Variants in FSD1 observed in about 807,000 individuals in gnomAD.
FSD1 encodes the protein fibronectin type III and SPRY domain containing 1.
FSD1 carries 23 observed loss-of-function variants against 58.2 expected under a neutral mutation model. That is an observed-to-expected ratio of 0.40 (90% confidence interval 0.28 to 0.56). The LOEUF is 0.56. Among genes scored for constraint, FSD1 ranks in the 20% least tolerant of loss-of-function variants. The probability of loss-of-function intolerance (pLI) is 0.54; values close to 1 mark genes in which losing one functional copy is unlikely to be tolerated. For synonymous variants in FSD1, 265 were observed against 263.4 expected (o/e 1.01, Z -0.06); for missense variants, 563 against 670.8 (o/e 0.84, Z 1.78).
rs772719863 is a variant in FSD1 at position 4,306,324 on chromosome 19, C to T, written c.238C>T (p.Leu80=). The change falls in exon 3 of 13, where the codon CTG becomes TTG. Residue 80 remains leucine, a synonymous_variant. Coordinates refer to ENST00000221856, the MANE Select transcript of FSD1 (RefSeq NM_024333.3). The part of the protein sequence containing the change: ...KQDRASRTYE[L]QNQLAACTRA... ...GGACCGTGCCAGCCGTACCTACGAG[C>T]TGCAGGTGAGGGCTGAGGGCATCTT... 2.8e-5 allele frequency: 45 copies of T among 1,613,698 alleles called. No homozygotes were observed. The highest frequency in any genetic ancestry group is 1.7e-4 in the Middle Eastern group (1 of 5,864).
chr19:4,320,954 C>T (rs1450052003), intron 10 of FSD1, among the ~76,000 whole-genome samples: 6 of 87,710 alleles, frequency 6.8e-5, no homozygotes, highest in East Asian at 7.1e-4. Context: ...GGAGGGGAAT[C>T]GCTGGGACTG....
chr19:4,319,175 C>A (rs1480180593), intron 10 of FSD1, among the ~76,000 whole-genome samples: 2 of 152,352 alleles, frequency 1.3e-5, no homozygotes, highest in South Asian at 2.1e-4. Flanking sequence ...GACTCTGGAC[C>A]AGACAGTGCC....
rs1166151441 is a variant in FSD1, at chr19:4,323,308, T to G, written c.1292-40T>G. 6.2e-7 allele frequency: 1 copy of G among 1,609,178 alleles called. No homozygotes were observed. Among genetic ancestry groups the G allele is most frequent in the African/African-American group, 1.3e-5 (1 of 74,670 alleles). ...TCCCCTCCGTCTGCCCCCATCCCAC[T>G]TCTGACCGGTCCCACTGTCACTCTG... On this transcript the variant is annotated intron_variant, in intron 11 of 12. Transcript: ENST00000221856. This position sits in a 1 kb window ranked among gnomAD's most constrained non-coding sequence, Gnocchi z 7.7.
chr19:4,317,176 T>A lies in FSD1; in HGVS notation c.701-6T>A. The A allele has an allele frequency of 6.4e-7, 1 of 1,565,024 alleles. No homozygotes were observed. Among genetic ancestry groups the A allele is most frequent in the Non-Finnish European group, 8.8e-7 (1 of 1,135,416 alleles). On this transcript the variant is annotated splice_polypyrimidine_tract_variant and splice_region_variant and intron_variant, in intron 7 of 12. Transcript: ENST00000221856. Reference sequence around the variant, plus strand: ...ACAGTGTTGAAATGCCTCTCTTGCCTACCAGGTCTCAAGTTTGACATGAAA... The same window carrying A: ...ACAGTGTTGAAATGCCTCTCTTGCCAACCAGGTCTCAAGTTTGACATGAAA...
chr19:4,318,197 C>G (rs1971775683), intron 8 of FSD1, 149 bp from the exon 9 acceptor site: 2 of 949,384 alleles, frequency 2.1e-6, no homozygotes, highest in Middle Eastern at 2.2e-4. Context: ...TCGTCAGTCT[C>G]TTATCTCTGT....
chr19:4,314,426 G>GATAA (rs1319042289), intron 7 of FSD1, among the ~76,000 whole-genome samples: 8 of 151,478 alleles, frequency 5.3e-5, no homozygotes, highest in Admixed American at 2.6e-4. Flanking sequence ...GTACAGTGAG[G>GATAA]ACCCATGTAG....
chr19:4,311,676 C>T (rs1292420571), intron 6 of FSD1, 166 bp from the exon 7 acceptor site: 1 of 606,242 alleles, frequency 1.6e-6, no homozygotes, highest in Admixed American at 2.9e-5. Flanking sequence ...AAGAGCAAGA[C>T]TCTGTCTCTA....
At position 4,310,490 on chromosome 19, in the gene FSD1, T is replaced by A. The variant is rs372218316; in HGVS notation, c.384T>A (p.Pro128=). 8.7e-6 allele frequency: 14 copies of A among 1,612,840 alleles called. No homozygotes were observed. Among genetic ancestry groups the A allele is most frequent in the African/African-American group, 6.7e-5 (5 of 74,922 alleles). ...CTTCCTGCAGAGTGACCATGGCCCC[T>A]GCCTTCCGGCTATCATTGAAAGCGA... ...KQIKDGVTMA[P]AFRLSLKAKV... is the part of the protein sequence containing the mutation. The change falls in exon 6 of 13, where the codon CCT becomes CCA. Residue 128 remains proline (P), a synonymous_variant. Coordinates refer to ENST00000221856, the MANE Select transcript of FSD1 (RefSeq NM_024333.3).
rs771985733 is a variant in FSD1, at chr19:4,311,925, G to A, written c.574G>A (p.Asp192Asn). ...VTLVWRMPDE[D>N]SKIDHYVLEY... ...CCTGGTGTGGCGCATGCCGGATGAG[G>A]ACAGCAAGATTGACCACTACGTGCT... The change falls in exon 7 of 13, where the codon GAC (aspartate) becomes AAC (asparagine). Residue 192 changes from aspartate to asparagine, a missense_variant. By Grantham distance (23) the Asp-to-Asn change is conservative. Transcript: ENST00000221856. 1.1e-5 allele frequency: 18 copies of A among 1,614,040 alleles called. No homozygotes were observed. Among genetic ancestry groups the A allele is most frequent in the African/African-American group, 4.0e-5 (3 of 74,934 alleles).
intron 8 of FSD1, among the ~76,000 whole-genome samples, chr19:4,317,616 C>T (rs192712946): frequency 6.6e-6 from 1 of 152,244 alleles, no homozygotes; most frequent in African/African-American, 2.4e-5. Flanking sequence ...TTCACATGCC[C>T]TGCTAGGAAG....
chr19:4,314,644 G>A (rs1444932657), intron 7 of FSD1, among the ~76,000 whole-genome samples: 1 of 152,076 alleles, frequency 6.6e-6, no homozygotes, highest in Non-Finnish European at 1.5e-5. Context: ...CCACCACCAT[G>A]CCTGGCTAAT....
intron 4 of FSD1, among the ~76,000 whole-genome samples, chr19:4,308,877 C>G (rs968612825): frequency 2.1e-5 from 3 of 143,346 alleles, no homozygotes; most frequent in Non-Finnish European, 4.5e-5. Context: ...AGATTGAGAC[C>G]ATCTTGGCTA....
chr19:4,322,858 T>C (rs1971716515), intron 10 of FSD1, 128 bp from the exon 11 acceptor site: 1 of 1,170,442 alleles, frequency 8.5e-7, no homozygotes, highest in Admixed American at 2.3e-5. Flanking sequence ...GCTAGGAACC[T>C]GGGGAGTGTC....
chr19:4,314,552 T>C (rs1039794038), intron 7 of FSD1, among the ~76,000 whole-genome samples: 1 of 151,608 alleles, frequency 6.6e-6, no homozygotes, highest in African/African-American at 2.4e-5. Flanking sequence ...AGTGGCCTGA[T>C]CTCGGCTCAC....
In FSD1 at chr19:4,304,705, G is replaced by A. The variant is rs1295223484; in HGVS notation, c.-42G>A. The A allele has an allele frequency of 1.6e-6, 2 of 1,217,998 alleles. No homozygotes were observed. Among genetic ancestry groups the A allele is most frequent in the Non-Finnish European group, 2.0e-6 (2 of 975,626 alleles). 75.4% of individuals were successfully genotyped at this position (1,217,998 alleles called of 1,614,324 possible). On this transcript the variant is annotated 5_prime_UTR_variant, in exon 1 of 13. Transcript: ENST00000221856. ...AAGGCAGCTTGGGGACCCAGCGTGC[G>A]CGGGGCCCGCGGGCCGGGCCGGGGT...
chr19:4,306,424 G>A (rs1024420738), intron 3 of FSD1, 95 bp downstream of exon 3: 17 of 1,308,164 alleles, frequency 1.3e-5, no homozygotes, highest in Admixed American at 1.9e-5. Context: ...GGGTGCTCTC[G>A]AGTTTCTGAT....
chr19:4,320,910 A>G (rs984483377), intron 10 of FSD1, among the ~76,000 whole-genome samples: 1 of 138,646 alleles, frequency 7.2e-6, no homozygotes. Context: ...ACTGAGGAGT[A>G]TCTGGGGGGA....
Position 4,323,028 on chromosome 19 carries a change from G to T in FSD1, c.1082G>T (p.Arg361Leu). The change falls in exon 11 of 13, where the codon CGC becomes CTC. Residue 361 changes from arginine (R) to leucine (L), a missense_variant. Physicochemically the swap from Arg to Leu is moderately radical, Grantham distance 102. Coordinates refer to ENST00000221856, the MANE Select transcript of FSD1 (RefSeq NM_024333.3). The surrounding 1 kb of genome is among the most constrained non-coding windows in gnomAD (Gnocchi z 7.7). ...IDGGEHYWEV[R>L]YEPDSKAFGV... is the part of the protein sequence containing the mutation. The stretch of plus-strand genomic sequence containing the variant: ...GGCGGGGAGCATTACTGGGAGGTGC[G>T]CTACGAGCCGGACAGCAAGGCGTTC... 6.2e-7 allele frequency: 1 copy of T among 1,611,806 alleles called. No individual in the cohort carries two copies. Among genetic ancestry groups the T allele is most frequent in the Non-Finnish European group, 8.5e-7 (1 of 1,179,416 alleles).
Position 4,323,688 on chromosome 19 carries a change from C to T in FSD1, c.*45C>T, listed in dbSNP as rs891957680. Reference sequence around the variant, plus strand: ...GCTGGGGTGTTTTTGGGGGAGTCGCCGCCAAGCCCAGGCTGCTGGAGCCAG... The same window carrying T: ...GCTGGGGTGTTTTTGGGGGAGTCGCTGCCAAGCCCAGGCTGCTGGAGCCAG... On this transcript the variant is annotated 3_prime_UTR_variant, in exon 13 of 13. Transcript: ENST00000221856. This position sits in a 1 kb window ranked among gnomAD's most constrained non-coding sequence, Gnocchi z 7.7. 1.2e-5 allele frequency: 16 copies of T among 1,390,306 alleles called. No homozygotes were observed. The highest frequency in any genetic ancestry group is 2.8e-5 in the African/African-American group (2 of 70,208). 86.1% of individuals were successfully genotyped at this position (1,390,306 alleles called of 1,614,324 possible). A position where few individuals can be genotyped will look rare whatever the true frequency, so the allele number is the denominator to read the frequency against.
Sources: gnomAD v4.1 joint callset for allele counts (sites outside exome capture counted in the v4.1 genomes callset) on GRCh38, gnomAD v4.1.1 for gene constraint, Gnocchi (gnomAD v3.1) non-coding constraint, MANE v1.5 for transcripts, NCBI Gene and HGNC (gene_info 2026-07-23, HGNC 2026-07-21) for gene names.